RAI2: variants seen among roughly 807,000 people sequenced by gnomAD.
RAI2 encodes the protein retinoic acid induced 2, also known as retinoic acid-induced protein 2.
RAI2 carries 5 observed loss-of-function variants against 15.3 expected under a neutral mutation model. That is an observed-to-expected ratio of 0.33 (90% CI 0.17 to 0.69). The LOEUF is 0.69. Among genes scored for constraint, RAI2 ranks in the 30% least tolerant of loss-of-function variants. The pLI is 0.69. For synonymous variants in RAI2, 191 were observed against 184.0 expected (o/e 1.04, Z -0.31); for missense variants, 424 against 424.7 (o/e 1.00, Z 0.01).
chrX:17,834,399 C>G (rs185060118), intron 1 of RAI2, among the ~76,000 whole-genome samples: 96 of 109,903 alleles, frequency 8.7e-4, no homozygotes, highest in African/African-American at 2.8e-3. Context: ...ATGTTTTGGT[C>G]GGACATAATT....
At position 17,860,062 on chromosome X, in the gene RAI2, G is replaced by A. The variant is rs150168673; in HGVS notation, c.-25+1036C>T. On this transcript the variant is annotated intron_variant, in intron 1 of 1. Coordinates refer to ENST00000451717, the MANE Select transcript of RAI2 (RefSeq NM_021785.6). ...GAAAGGGAGACTGAGTGAGTGCCAT[G>A]GTGTGGGTAACAACCCGCTCCTCCA... Among the ~76,000 whole-genome samples, 8 of 111,950 alleles carry A rather than the reference G, an allele frequency of 7.1e-5. No individual in the cohort carries two copies. In the East Asian group the frequency reaches 2.0e-3, roughly 28 times the overall value.
intron 1 of RAI2, among the ~76,000 whole-genome samples, chrX:17,859,306 G>A (rs1158939793): frequency 1.8e-5 from 2 of 111,986 alleles, no homozygotes; most frequent in South Asian, 7.7e-4. Context: ...AGGAGCAAGA[G>A]AGACATCCAG....
rs192884829 is a variant in RAI2, at chrX:17,801,534, C to T, written c.477G>A (p.Ala159=). 1.2e-5 allele frequency: 14 copies of T among 1,201,129 alleles called. No homozygotes were observed. In the East Asian group the frequency reaches 2.1e-4, roughly 18 times the overall value. The change falls in exon 2 of 2, where the codon GCG becomes GCA. Residue 159 remains alanine (A), a synonymous_variant. Coordinates refer to ENST00000451717, the MANE Select transcript of RAI2 (RefSeq NM_021785.6). ...GCTGGGGCTGGGCCTCGGGGTCCTCCGCTCCCTGGAAGAGGTTGTTGTGGA... is the reference window on the plus strand; with the variant it reads ...GCTGGGGCTGGGCCTCGGGGTCCTCTGCTCCCTGGAAGAGGTTGTTGTGGA... ...STIHNNLFQG[A]EDPEAQPQLL...
Position 17,800,762 on chromosome X carries a change from G to T in RAI2, c.1249C>A (p.His417Asn). The part of the protein sequence containing the change: ...AATEMLSQPN[H>N]PSGEVKAENN... ...TCAGCCTTGACTTCGCCGCTGGGGTGGTTGGGCTGGCTGAGCATCTCGGTA... is the reference window on the plus strand; with the variant it reads ...TCAGCCTTGACTTCGCCGCTGGGGTTGTTGGGCTGGCTGAGCATCTCGGTA... The change falls in exon 2 of 2, where the codon CAC becomes AAC. Residue 417 changes from histidine (H) to asparagine (N), a missense_variant. By Grantham distance (68) the His-to-Asn change is moderately conservative. Transcript: ENST00000451717. 1.7e-6 allele frequency: 2 copies of T among 1,211,822 alleles called. No individual in the cohort carries two copies. Among genetic ancestry groups the T allele is most frequent in the Non-Finnish European group, 2.2e-6 (2 of 895,548 alleles).
intron 1 of RAI2, among the ~76,000 whole-genome samples, chrX:17,841,091 A>T (rs28707780): frequency 0.017 from 1,901 of 109,410 alleles, 41 homozygotes; most frequent in African/African-American, 0.059. Context: ...TTTTTTTTTT[A>T]TTATTTTTTT....
At chrX:17,848,513 C>G (rs951130664) in intron 1 of RAI2, among the ~76,000 whole-genome samples, 1 of 108,476 alleles carries the variant, frequency 9.2e-6, no homozygotes, top group Admixed American at 9.8e-5. Context: ...AAAACAAGAA[C>G]ATTCTTAGCA....
At chrX:17,838,579 G>A (rs1370130819) in intron 1 of RAI2, among the ~76,000 whole-genome samples, 1 of 109,964 alleles carries the variant, frequency 9.1e-6, no homozygotes, top group Non-Finnish European at 1.9e-5. Context: ...CTCAACATGA[G>A]CCCAGAGGTC....
At chrX:17,852,215 T>C (rs2067544657) in intron 1 of RAI2, among the ~76,000 whole-genome samples, 1 of 112,070 alleles carries the variant, frequency 8.9e-6, no homozygotes, top group Non-Finnish European at 1.9e-5. Flanking sequence ...TTGTTGCCTC[T>C]CTCTTCATGG....
chrX:17,816,144 C>T (rs940158244), intron 1 of RAI2, among the ~76,000 whole-genome samples: 1 of 108,765 alleles, frequency 9.2e-6, no homozygotes, highest in Admixed American at 9.9e-5. Flanking sequence ...ATTTACCATG[C>T]TCCCCACTAG....
intron 1 of RAI2, among the ~76,000 whole-genome samples, chrX:17,823,018 A>G (rs1293195941): frequency 3.6e-5 from 4 of 112,553 alleles, no homozygotes; most frequent in Non-Finnish European, 7.5e-5. Flanking sequence ...CAAAGGCATA[A>G]TAAATCCAAG....
At chrX:17,832,105 TC>T (rs757138823) in intron 1 of RAI2, among the ~76,000 whole-genome samples, 2 of 112,056 alleles carry the variant, frequency 1.8e-5, no homozygotes, top group Non-Finnish European at 3.8e-5. Flanking sequence ...TACCAATCTA[TC>T]CCCCAAACCT....
rs146813992 is a variant in RAI2, at chrX:17,800,842, G to A, written c.1169C>T (p.Thr390Met). The A allele has an allele frequency of 6.6e-6, 8 of 1,209,730 alleles. No homozygotes were observed. The highest frequency in any genetic ancestry group is 4.4e-5 in the Admixed American group (2 of 45,728). The part of the protein sequence containing the change: ...SGMEISFAPA[T>M]SHEAPAMMDS... ...CATCATGGCTGGGGCCTCATGGGAC[G>A]TGGCAGGGGCAAAAGAAATTTCCAT... Residue 390 changes from threonine to methionine, a missense_variant, in exon 2 of 2, where the codon ACG becomes ATG. Physicochemically the swap from Thr to Met is moderately conservative, Grantham distance 81 (BLOSUM62 -1). Coordinates refer to ENST00000451717, the MANE Select transcript of RAI2 (RefSeq NM_021785.6).
intron 1 of RAI2, among the ~76,000 whole-genome samples, chrX:17,842,005 AAGT>A (rs2067403434): frequency 8.9e-6 from 1 of 112,036 alleles, no homozygotes; most frequent in Non-Finnish European, 1.9e-5. Flanking sequence ...AAAGTGGGCA[AAGT>A]ACTAGCAGCT....
At chrX:17,807,512 A>G (rs961400155) in intron 1 of RAI2, among the ~76,000 whole-genome samples, 14 of 111,917 alleles carry the variant, frequency 1.3e-4, no homozygotes, top group Non-Finnish European at 2.6e-4. Flanking sequence ...AGGGACATTA[A>G]AGCTGACATC....
chrX:17,800,397 C>G lies in RAI2; in HGVS notation c.*21G>C. The G allele has an allele frequency of 8.6e-7, 1 of 1,160,874 alleles. No homozygotes were observed. Among genetic ancestry groups the G allele is most frequent in the South Asian group, 2.0e-5 (1 of 49,571 alleles). On this transcript the variant is annotated 3_prime_UTR_variant, in exon 2 of 2. Coordinates refer to ENST00000451717, the MANE Select transcript of RAI2 (RefSeq NM_021785.6). The stretch of plus-strand genomic sequence containing the variant: ...CACCTTTCCCCATATTATAATCATA[C>G]AAATTTTAAAAAGCCGTTATTTACT...
chrX:17,809,809 C>T (rs1305573752), intron 1 of RAI2, among the ~76,000 whole-genome samples: 1 of 111,002 alleles, frequency 9.0e-6, no homozygotes, highest in African/African-American at 3.3e-5. Context: ...CACTCTGTTG[C>T]CCAGGCTGGA....
intron 1 of RAI2, among the ~76,000 whole-genome samples, chrX:17,844,843 T>C (rs971068285): frequency 1.8e-5 from 2 of 112,341 alleles, no homozygotes; most frequent in African/African-American, 6.5e-5. Context: ...GTGTGCTGTT[T>C]GTGAAAATTC....
At chrX:17,841,386 C>G (rs768032663) in intron 1 of RAI2, among the ~76,000 whole-genome samples, 1 of 112,006 alleles carries the variant, frequency 8.9e-6, no homozygotes, top group Non-Finnish European at 1.9e-5. Flanking sequence ...ACCTCACATG[C>G]GAACCAGTGA....
chrX:17,803,964 C>CT (rs559906135), intron 1 of RAI2, among the ~76,000 whole-genome samples: 1,062 of 92,411 alleles, frequency 0.011, 19 homozygotes, highest in East Asian at 0.1. Context: ...TTTCTTCTTT[C>CT]TTTTTTTTTT....
Sources: gnomAD v4.1 joint callset for allele counts (sites outside exome capture counted in the v4.1 genomes callset) on GRCh38, gnomAD v4.1.1 for gene constraint, MANE v1.5 for transcripts, NCBI Gene and HGNC (gene_info 2026-07-23, HGNC 2026-07-21) for gene names.